Variants in DPP10 observed in about 807,000 individuals in gnomAD.
DPP10 encodes the protein dipeptidyl peptidase like 10.
In DPP10, 33 loss-of-function variants were observed where a neutral mutation model predicts 120.9. The observed-to-expected ratio is 0.27, with a 90% CI of 0.21 to 0.37. The LOEUF is 0.37. DPP10 is among the 10% of genes least tolerant of loss of function. DPP10 has a pLI of 1.00. For missense variants in DPP10, 816 were observed against 942.8 expected, an observed-to-expected ratio of 0.87 and a Z score of 1.76; for synonymous variants, 337 against 326.1, an observed-to-expected ratio of 1.03 and a Z score of -0.36.
rs866654300 is a variant in DPP10, at chr2:115,351,068, T to G, written c.271+7156T>G. Among the ~76,000 whole-genome samples, 6 of 152,202 alleles carry G rather than the reference T, an allele frequency of 3.9e-5. 2 individuals carry two copies. The Middle Eastern group carries it at 0.02, about 518-fold the overall frequency. ...ACTTTCTACCAAAAAGACCCATACA[T>G]TTGCATGTTCTTTGCAGCACTATTC... On this transcript the variant is annotated intron_variant, in intron 3 of 25. Coordinates refer to ENST00000410059, the MANE Select transcript of DPP10 (RefSeq NM_020868.6).
intron 17 of DPP10, among the ~76,000 whole-genome samples, chr2:115,785,836 T>TG (rs912989654): frequency 6.6e-5 from 7 of 106,044 alleles, no homozygotes; most frequent in East Asian, 3.2e-4. Flanking sequence ...AGCTCTGATG[T>TG]GGGTTTTTTT....
At chr2:115,711,104 A>C (rs2149570637) in intron 7 of DPP10, among the ~76,000 whole-genome samples, 1 of 152,310 alleles carries the variant, frequency 6.6e-6, no homozygotes, top group South Asian at 2.1e-4. Context: ...AAATTCGTAT[A>C]GCACAATAGC....
chr2:115,177,268 T>C (rs915901662), intron 1 of DPP10, among the ~76,000 whole-genome samples: 7 of 152,204 alleles, frequency 4.6e-5, no homozygotes, highest in Non-Finnish European at 7.3e-5. Flanking sequence ...TTGTCTTCCT[T>C]GTCTCCCGTA....
intron 21 of DPP10, among the ~76,000 whole-genome samples, chr2:115,823,750 T>A (rs979556165): frequency 1.3e-5 from 2 of 152,228 alleles, no homozygotes; most frequent in African/African-American, 4.8e-5. Flanking sequence ...AAGTGGAGTA[T>A]CTGTTTCACT....
At chr2:114,572,417 T>G (rs1037196882) in intron 1 of DPP10, among the ~76,000 whole-genome samples, 4 of 152,206 alleles carry the variant, frequency 2.6e-5, no homozygotes, top group African/African-American at 9.6e-5. Context: ...AAAGATCGTA[T>G]CTATCATTCT....
chr2:114,807,061 AT>A (rs1684795829), intron 1 of DPP10, among the ~76,000 whole-genome samples: 1 of 152,172 alleles, frequency 6.6e-6, no homozygotes, highest in Non-Finnish European at 1.5e-5. Context: ...TTTCTTAAAC[AT>A]TTTTTAAGTT....
At chr2:114,781,702 G>C (rs1175964231) in intron 1 of DPP10, among the ~76,000 whole-genome samples, 2 of 151,996 alleles carry the variant, frequency 1.3e-5, no homozygotes, top group African/African-American at 4.8e-5. Context: ...ATAATTGGGG[G>C]AGCATCTTGA....
At chr2:114,532,065 G>A (rs1273838759) in intron 1 of DPP10, among the ~76,000 whole-genome samples, 3 of 151,652 alleles carry the variant, frequency 2.0e-5, no homozygotes, top group Admixed American at 6.6e-5. Flanking sequence ...GCCTGTAGAC[G>A]TGGGTGCTCC....
chr2:114,960,234 A>G (rs1698509912), intron 1 of DPP10, among the ~76,000 whole-genome samples: 1 of 152,122 alleles, frequency 6.6e-6, no homozygotes, highest in South Asian at 2.1e-4. Context: ...TTTCATTTTG[A>G]AGAAGGAAGT....
chr2:114,622,550 A>G (rs1043556505), intron 1 of DPP10, among the ~76,000 whole-genome samples: 2 of 151,908 alleles, frequency 1.3e-5, no homozygotes, highest in Non-Finnish European at 2.9e-5. Flanking sequence ...GGACTGTCCC[A>G]CCTCAGTTCT....
At chr2:114,547,971 T>C (rs79825133) in intron 1 of DPP10, among the ~76,000 whole-genome samples, 6,916 of 152,026 alleles carry the variant, frequency 0.045, 514 homozygotes, top group African/African-American at 0.16. Flanking sequence ...CTTCTTCTGA[T>C]AGAAAAAGGA....
chr2:114,989,483 T>A (rs192842157), intron 1 of DPP10, among the ~76,000 whole-genome samples: 1 of 152,274 alleles, frequency 6.6e-6, no homozygotes, highest in East Asian at 1.9e-4. Context: ...AGCATATATG[T>A]CTGGAAAGAT....
chr2:114,907,376 A>G (rs1054491385), intron 1 of DPP10, among the ~76,000 whole-genome samples: 3 of 151,932 alleles, frequency 2.0e-5, no homozygotes, highest in African/African-American at 4.8e-5. Context: ...CCTGTCTCTT[A>G]GCAAGAAAAA....
chr2:115,503,092 AT>A (rs1397009341), intron 4 of DPP10, among the ~76,000 whole-genome samples: 1 of 152,132 alleles, frequency 6.6e-6, no homozygotes, highest in Non-Finnish European at 1.5e-5. Flanking sequence ...CTGTAAGCCT[AT>A]TTAAATACAT....
At chr2:114,526,363 A>G (rs939195929) in intron 1 of DPP10, among the ~76,000 whole-genome samples, 1 of 152,174 alleles carries the variant, frequency 6.6e-6, no homozygotes. Context: ...CAAGAGCATA[A>G]ATTTTCTTTG....
chr2:115,392,302 A>T (rs1439513965), intron 3 of DPP10, among the ~76,000 whole-genome samples: 1 of 152,130 alleles, frequency 6.6e-6, no homozygotes, highest in Non-Finnish European at 1.5e-5. Flanking sequence ...TAGTTTTAAT[A>T]AGCTGTGCTG....
At chr2:114,925,428 G>T (rs79203508) in intron 1 of DPP10, among the ~76,000 whole-genome samples, 1 of 152,082 alleles carries the variant, frequency 6.6e-6, no homozygotes, top group East Asian at 1.9e-4. Flanking sequence ...TTGCAATCAG[G>T]CTGTGTTTAT....
At chr2:114,922,720 C>A (rs1476713802) in intron 1 of DPP10, among the ~76,000 whole-genome samples, 2 of 151,988 alleles carry the variant, frequency 1.3e-5, no homozygotes, top group Non-Finnish European at 2.9e-5. Flanking sequence ...CGTGAATCAA[C>A]AATTTGTTTT....
At chr2:115,552,845 A>G (rs950386702) in intron 5 of DPP10, among the ~76,000 whole-genome samples, 1 of 152,046 alleles carries the variant, frequency 6.6e-6, no homozygotes, top group African/African-American at 2.4e-5. Flanking sequence ...AAATATCTCA[A>G]TAATCTCTTC....
Sources: allele counts gnomAD v4.1 joint callset (sites outside exome capture counted in the v4.1 genomes callset), GRCh38; gene constraint gnomAD v4.1.1; transcripts MANE v1.5; gene names NCBI Gene and HGNC (gene_info 2026-07-23, HGNC 2026-07-21).